The following DDX4 variants were observed in gnomAD, a reference collection of about 807,000 sequenced individuals.
The protein encoded by DDX4 is DEAD-box helicase 4.
Under a neutral mutation model 100.0 loss-of-function variants are expected in DDX4, and 25 were observed. The ratio of observed to expected loss-of-function variants is 0.25; its 90% CI spans 0.18 to 0.35. The LOEUF is 0.35. Among genes scored for constraint, DDX4 ranks in the 10% least tolerant of loss-of-function variants. The pLI is 1.00. For missense variants in DDX4, 635 were observed against 882.4 expected (o/e 0.72, Z 3.55); for synonymous variants, 259 against 275.7 (o/e 0.94, Z 0.60).
At chr5:55,746,939 T>G (rs1373691214) in intron 3 of DDX4, among the ~76,000 whole-genome samples, 1 of 152,212 alleles carries the variant, frequency 6.6e-6, no homozygotes, top group African/African-American at 2.4e-5. Context: ...TGTTACTATA[T>G]TAAAATAATT....
chr5:55,805,993 A>C (rs1297559070), intron 18 of DDX4, among the ~76,000 whole-genome samples: 3 of 152,144 alleles, frequency 2.0e-5, no homozygotes, highest in Non-Finnish European at 4.4e-5. Flanking sequence ...TTATTACCTC[A>C]ATTTCAGAGC....
intron 18 of DDX4, among the ~76,000 whole-genome samples, chr5:55,805,367 A>G (rs1412399969): frequency 6.6e-6 from 1 of 151,452 alleles, no homozygotes; most frequent in Non-Finnish European, 1.5e-5. Context: ...TATGTTGAAT[A>G]GGAGTGGTGA....
At chr5:55,785,094 T>C (rs139005706) in intron 10 of DDX4, among the ~76,000 whole-genome samples, 281 of 152,346 alleles carry the variant, frequency 1.8e-3, no homozygotes, top group African/African-American at 4.8e-3. Flanking sequence ...TGTAGTAATA[T>C]GTAATAGTCT....
intron 2 of DDX4, among the ~76,000 whole-genome samples, chr5:55,745,545 C>G (rs1013212913): frequency 1.3e-5 from 2 of 152,108 alleles, no homozygotes; most frequent in African/African-American, 4.8e-5. Flanking sequence ...TCTCAGCCTC[C>G]CGAGTAGCTG....
rs1186072272 is a variant in DDX4, at chr5:55,790,227, C to T, written c.1173-349C>T. Among the ~76,000 whole-genome samples the T allele has an allele frequency of 4.1e-5, 6 of 147,340 alleles. No homozygotes were observed. The Admixed American group carries it at 4.1e-4, about 10-fold the overall frequency. ...TGGTGGGATCTCGGCTCACTGCAAC[C>T]TCTGCCTCCTGGGTTCAAGCGATTC... On this transcript the variant is annotated intron_variant, in intron 15 of 21. Transcript: ENST00000505374.
chr5:55,802,706 C>T (rs191946630), intron 18 of DDX4, among the ~76,000 whole-genome samples: 3 of 152,174 alleles, frequency 2.0e-5, no homozygotes, highest in African/African-American at 7.2e-5. Flanking sequence ...CTATAGCTTA[C>T]AGCACAGCCT....
intron 2 of DDX4, chr5:55,742,135 A>T (rs1199646785): frequency 2.2e-6 from 1 of 456,200 alleles, no homozygotes; most frequent in Non-Finnish European, 4.4e-6. Flanking sequence ...ACAGCGAAAG[A>T]TGTGAAGTTA....
At chr5:55,804,415 G>A (rs1230168480) in intron 18 of DDX4, among the ~76,000 whole-genome samples, 2 of 152,048 alleles carry the variant, frequency 1.3e-5, no homozygotes, top group East Asian at 1.9e-4. Flanking sequence ...TGTCCTGAAT[G>A]GTAATGCCTA....
At chr5:55,780,958 C>T in intron 8 of DDX4, 108 bp from the exon 9 acceptor site, 3 of 864,474 alleles carry the variant, frequency 3.5e-6, no homozygotes, top group Non-Finnish European at 1.8e-6. Flanking sequence ...CTATTTTACC[C>T]TGCATCTTTT....
At chr5:55,796,904 C>T (rs1158506135) in intron 17 of DDX4, among the ~76,000 whole-genome samples, 4 of 129,434 alleles carry the variant, frequency 3.1e-5, no homozygotes, top group Non-Finnish European at 6.3e-5. Flanking sequence ...TTCAGAGGCA[C>T]AATCATGGTT....
At chr5:55,763,076 G>T in intron 4 of DDX4, 99 bp from the exon 5 acceptor site, 1 of 756,604 alleles carries the variant, frequency 1.3e-6, no homozygotes. Flanking sequence ...CCCATCCTTG[G>T]AAGTCTCTTT....
At chr5:55,744,982 G>A (rs1006228923) in intron 2 of DDX4, among the ~76,000 whole-genome samples, 4 of 152,138 alleles carry the variant, frequency 2.6e-5, no homozygotes, top group African/African-American at 9.7e-5. Context: ...CTGGGTTCAA[G>A]CGATTCTTCT....
At chr5:55,783,395 T>C (rs1465385707) in intron 10 of DDX4, among the ~76,000 whole-genome samples, 1 of 151,794 alleles carries the variant, frequency 6.6e-6, no homozygotes, top group Non-Finnish European at 1.5e-5. Context: ...ATATAAAAAA[T>C]GTTACATCTC....
At chr5:55,768,205 T>C in intron 7 of DDX4, 1 of 422,396 alleles carries the variant, frequency 2.4e-6, no homozygotes, top group Non-Finnish European at 4.4e-6. Context: ...CATGGGGTTT[T>C]GGTGTACAGA....
In DDX4 at chr5:55,808,331, T is replaced by A. The variant is rs535990152; in HGVS notation, c.1616-5342T>A. On this transcript the variant is annotated intron_variant, in intron 18 of 21. Coordinates refer to ENST00000505374, the MANE Select transcript of DDX4 (RefSeq NM_024415.3). ...TTCTCTCAACTCGTCAAAGTCATTC[T>A]CCGTCCAGCTTTGTTCCATTGCTGG... 1.2e-4 allele frequency among the ~76,000 whole-genome samples: 18 copies of A among 152,376 alleles called. No individual in the cohort carries two copies. In the East Asian group the frequency reaches 3.5e-3, roughly 29 times the overall value.
chr5:55,754,618 A>G (rs1759811319), intron 3 of DDX4, among the ~76,000 whole-genome samples: 1 of 151,658 alleles, frequency 6.6e-6, no homozygotes, highest in African/African-American at 2.4e-5. Context: ...CATCAAGGAT[A>G]TTGGTCTAAA....
At chr5:55,786,201 C>G (rs959794208) in intron 13 of DDX4, among the ~76,000 whole-genome samples, 1 of 152,122 alleles carries the variant, frequency 6.6e-6, no homozygotes, top group Admixed American at 6.5e-5. Context: ...GAGGGGGAGC[C>G]CTCTGTCTCC....
At chr5:55,807,032 ATAGT>A (rs1743776944) in intron 18 of DDX4, among the ~76,000 whole-genome samples, 2 of 152,300 alleles carry the variant, frequency 1.3e-5, no homozygotes, top group South Asian at 4.1e-4. Flanking sequence ...TATATTTAGG[ATAGT>A]TAGCTCTTCT....
At chr5:55,765,454 T>C (rs1054209946) in intron 6 of DDX4, among the ~76,000 whole-genome samples, 13 of 144,216 alleles carry the variant, frequency 9.0e-5, no homozygotes, top group African/African-American at 3.3e-4. Flanking sequence ...AATTCATTCA[T>C]TGTCTCAGTT....
Sources: allele counts gnomAD v4.1 joint callset (sites outside exome capture counted in the v4.1 genomes callset), GRCh38; gene constraint gnomAD v4.1.1; transcripts MANE v1.5; gene names NCBI Gene and HGNC (gene_info 2026-07-23, HGNC 2026-07-21).